ZDHHC15: variants seen among roughly 807,000 people sequenced by gnomAD.
The protein encoded by ZDHHC15 is zDHHC palmitoyltransferase 15.
In ZDHHC15, 19 loss-of-function variants were observed where a neutral mutation model predicts 31.7. The observed-to-expected ratio is 0.60, with a 90% CI of 0.42 to 0.88. The LOEUF is 0.88. Among genes scored for constraint, ZDHHC15 ranks in the 40% least tolerant of loss-of-function variants. The probability of loss-of-function intolerance (pLI) is 0.00; values close to 1 mark genes in which losing one functional copy is unlikely to be tolerated. For synonymous variants in ZDHHC15, 103 were observed against 90.0 expected (o/e 1.14, Z -0.82); for missense variants, 209 against 251.2 (o/e 0.83, Z 1.14).
chrX:75,514,488 G>A (rs750098156), intron 1 of ZDHHC15, among the ~76,000 whole-genome samples: 4 of 111,821 alleles, frequency 3.6e-5, no homozygotes, highest in African/African-American at 6.5e-5. Context: ...ACAGAAGACA[G>A]GTGACTTCTG....
intron 3 of ZDHHC15, among the ~76,000 whole-genome samples, chrX:75,472,656 T>G (rs1186533950): frequency 8.9e-6 from 1 of 112,014 alleles, no homozygotes; most frequent in Non-Finnish European, 1.9e-5. Context: ...ATCAAGTGGA[T>G]AGGACGACCT....
intron 2 of ZDHHC15, among the ~76,000 whole-genome samples, chrX:75,490,493 T>C (rs1452529034): frequency 3.6e-5 from 4 of 111,647 alleles, no homozygotes; most frequent in African/African-American, 9.8e-5. Flanking sequence ...TGGTTCCATA[T>C]GAACTTTAAA....
intron 10 of ZDHHC15, among the ~76,000 whole-genome samples, chrX:75,387,368 C>T (rs76134581): frequency 0.016 from 1,816 of 111,313 alleles, 116 homozygotes; most frequent in Admixed American, 0.14. Flanking sequence ...TATTTGAGCC[C>T]TCTGATCAGC....
At chrX:75,506,852 G>A in intron 1 of ZDHHC15, among the ~76,000 whole-genome samples, 1 of 111,853 alleles carries the variant, frequency 8.9e-6, no homozygotes. Context: ...TTAATAAGGA[G>A]GAGCTGATAA....
intron 7 of ZDHHC15, among the ~76,000 whole-genome samples, chrX:75,426,879 G>A (rs1454503927): frequency 9.0e-6 from 1 of 111,278 alleles, no homozygotes; most frequent in East Asian, 2.8e-4. Context: ...GGTGATCATA[G>A]ACAAGTCACT....
At chrX:75,509,593 A>G (rs1329237651) in intron 1 of ZDHHC15, among the ~76,000 whole-genome samples, 1 of 112,270 alleles carries the variant, frequency 8.9e-6, no homozygotes, top group Non-Finnish European at 1.9e-5. Context: ...ATAATGATGT[A>G]CAGCATATAC....
At chrX:75,430,078 T>C (rs1205024421) in intron 5 of ZDHHC15, 98 bp from the exon 6 acceptor site, 1 of 909,226 alleles carries the variant, frequency 1.1e-6, no homozygotes, top group Non-Finnish European at 1.6e-6. Flanking sequence ...TTTTACATGG[T>C]TCTAATAACA....
intron 4 of ZDHHC15, among the ~76,000 whole-genome samples, chrX:75,436,336 G>T (rs2083851436): frequency 1.8e-5 from 2 of 111,355 alleles, no homozygotes; most frequent in South Asian, 7.4e-4. Context: ...ATTTCATTTA[G>T]TTCTGCTCTG....
chrX:75,472,888 G>C (rs1218819460), intron 3 of ZDHHC15, among the ~76,000 whole-genome samples: 1 of 112,151 alleles, frequency 8.9e-6, no homozygotes, highest in African/African-American at 3.2e-5. Flanking sequence ...CCATTTCTTG[G>C]GGTGATCAGC....
chrX:75,399,032 T>C (rs1006870256), intron 10 of ZDHHC15, among the ~76,000 whole-genome samples: 1 of 112,089 alleles, frequency 8.9e-6, no homozygotes, highest in Non-Finnish European at 1.9e-5. Flanking sequence ...CCATGTTTGA[T>C]GTTTCACAGC....
chrX:75,481,463 A>T (rs1249806552), intron 2 of ZDHHC15, among the ~76,000 whole-genome samples: 1 of 111,949 alleles, frequency 8.9e-6, no homozygotes, highest in East Asian at 2.8e-4. Flanking sequence ...CAATCACGGA[A>T]TTGGAAACAG....
chrX:75,471,060 G>A (rs138565630), intron 3 of ZDHHC15, among the ~76,000 whole-genome samples: 2,371 of 112,022 alleles, frequency 0.021, 37 homozygotes, highest in South Asian at 0.13. Flanking sequence ...TAAGCTTCAC[G>A]ATGACTCCAA....
intron 10 of ZDHHC15, among the ~76,000 whole-genome samples, chrX:75,406,178 T>C (rs1187401998): frequency 3.6e-5 from 4 of 110,786 alleles, no homozygotes; most frequent in South Asian, 3.8e-4. Context: ...TACAACATAC[T>C]AAAATCTATA....
chrX:75,403,682 G>A (rs1031688172), intron 10 of ZDHHC15, among the ~76,000 whole-genome samples: 1 of 111,668 alleles, frequency 9.0e-6, no homozygotes, highest in Admixed American at 9.5e-5. Flanking sequence ...GGAGGTGAAA[G>A]ATCTCTACAA....
chrX:75,442,402 C>T, intron 4 of ZDHHC15, among the ~76,000 whole-genome samples: 1 of 111,462 alleles, frequency 9.0e-6, no homozygotes, highest in Non-Finnish European at 1.9e-5. Flanking sequence ...ATCTAGAAAA[C>T]CCCATTGTTT....
At chrX:75,516,353 A>T (rs2085356235) in intron 1 of ZDHHC15, among the ~76,000 whole-genome samples, 1 of 112,317 alleles carries the variant, frequency 8.9e-6, no homozygotes, top group South Asian at 3.7e-4. Flanking sequence ...AGGCTACAGT[A>T]ACCAAAACAG....
At chrX:75,507,976 C>T (rs745392044) in intron 1 of ZDHHC15, among the ~76,000 whole-genome samples, 4 of 110,631 alleles carry the variant, frequency 3.6e-5, no homozygotes, top group Admixed American at 9.7e-5. Context: ...GGTAAAAAGT[C>T]GTAGAAAGGA....
intron 9 of ZDHHC15, among the ~76,000 whole-genome samples, chrX:75,421,409 A>AT (rs2083630408): frequency 1.6e-3 from 15 of 9,165 alleles, no homozygotes; most frequent in Non-Finnish European, 0.011. Flanking sequence ...TTATATATAT[A>AT]TAATATATAT....
chrX:75,414,554 C>T (rs747274041), intron 10 of ZDHHC15, among the ~76,000 whole-genome samples: 8 of 103,397 alleles, frequency 7.7e-5, no homozygotes, highest in Admixed American at 3.2e-4. Flanking sequence ...CTCAGCCTCC[C>T]GGGTAGCTGG....
Sources: allele counts gnomAD v4.1 joint callset (sites outside exome capture counted in the v4.1 genomes callset), GRCh38; gene constraint gnomAD v4.1.1; transcripts MANE v1.5; gene names NCBI Gene and HGNC (gene_info 2026-07-23, HGNC 2026-07-21).